Variants in BRCA2 observed in about 807,000 individuals in gnomAD.
BRCA2 encodes the protein BRCA2 DNA repair associated.
Under a neutral mutation model 276.7 loss-of-function variants are expected in BRCA2, and 203 were observed. The observed-to-expected ratio is 0.73, with a 90% CI of 0.65 to 0.82. The LOEUF (loss-of-function observed/expected upper bound fraction) is 0.82, where lower values mean the gene tolerates loss of function less well. BRCA2 is among the 40% of genes least tolerant of loss of function. BRCA2 has a pLI of 0.00. For synonymous variants in BRCA2, 1,289 were observed against 1,338.4 expected, an observed-to-expected ratio of 0.96 and a Z score of 0.81; for missense variants, 3,920 against 3,915.0, an observed-to-expected ratio of 1.00 and a Z score of -0.03.
chr13:32,380,782 T>G (rs1255173857), intron 24 of BRCA2, among the ~76,000 whole-genome samples: 1 of 151,884 alleles, frequency 6.6e-6, no homozygotes, highest in African/African-American at 2.4e-5. Flanking sequence ...CCTCGTGATC[T>G]ACCAGCCTCG....
chr13:32,384,747 G>A (rs1441426943), intron 24 of BRCA2: 1 of 254,376 alleles, frequency 3.9e-6, no homozygotes, highest in Non-Finnish European at 8.5e-6. Flanking sequence ...AATTAAAGAT[G>A]ATGAAATGCC....
intron 3 of BRCA2, among the ~76,000 whole-genome samples, chr13:32,324,659 G>A (rs772080235): frequency 1.3e-5 from 2 of 152,056 alleles, no homozygotes; most frequent in East Asian, 3.9e-4. Context: ...TGTTTAAAGC[G>A]ACAAGATGTT....
At chr13:32,319,028 A>G (rs746683798) in intron 2 of BRCA2, 49 bp from the exon 3 acceptor site, 13 of 1,605,348 alleles carry the variant, frequency 8.1e-6, no homozygotes, top group Non-Finnish European at 1.0e-5. Context: ...TGGGTCACAA[A>G]TTTGTCTGTC....
chr13:32,352,092 T>C (rs1047947626), intron 13 of BRCA2, among the ~76,000 whole-genome samples: 10 of 152,304 alleles, frequency 6.6e-5, no homozygotes, highest in South Asian at 2.1e-4. Context: ...TGAGCCACTG[T>C]ACCAGGCCTA....
intron 24 of BRCA2, among the ~76,000 whole-genome samples, chr13:32,387,241 T>A (rs968838316): frequency 1.3e-5 from 2 of 152,164 alleles, no homozygotes; most frequent in Non-Finnish European, 2.9e-5. Context: ...TTAAGGATAG[T>A]CATAATACAA....
chr13:32,319,184 C>A lies in BRCA2; in HGVS notation c.175C>A (p.Pro59Thr), dbSNP rs56091799. The change falls in exon 3 of 27, where the codon CCA (proline) becomes ACA (threonine). Residue 59 changes from proline (P) to threonine (T), a missense_variant. Physicochemically the swap from Pro to Thr is conservative, Grantham distance 38 (BLOSUM62 -1). Around this residue, in one of 2 missense-constraint regions of BRCA2, gnomAD observed 3,263 missense variants for 3,156.9 expected, o/e 1.03. Transcript: ENST00000380152. ...TGAACATAAAAACAACAATTACGAA[C>A]CAAACCTATTTAAAACTCCACAAAG... ...ESEHKNNNYE[P>T]NLFKTPQRKP... The A allele has an allele frequency of 6.2e-7, 1 of 1,614,038 alleles. No homozygotes were observed. The highest frequency in any genetic ancestry group is 2.2e-5 in the East Asian group (1 of 44,868).
chr13:32,379,925 T>G lies in BRCA2; in HGVS notation c.9117+12T>G, dbSNP rs1212956665. On this transcript the variant is annotated intron_variant, in intron 23 of 26. Coordinates refer to ENST00000380152, the MANE Select transcript of BRCA2 (RefSeq NM_000059.4). ...ATCAACAACTACCGGTACAAACCTT[T>G]CATTGTAATTTTTCAGTTTTGATAA... The G allele has an allele frequency of 8.1e-6, 13 of 1,613,144 alleles. No homozygotes were observed. Among genetic ancestry groups the G allele is most frequent in the Non-Finnish European group, 1.1e-5 (13 of 1,179,360 alleles).
At position 32,394,825 on chromosome 13, in the gene BRCA2, C is replaced by T. The variant is rs1060504632; in HGVS notation, c.9393C>T (p.Ser3131=). 1 of 1,613,994 alleles carries T rather than the reference C, an allele frequency of 6.2e-7. No homozygotes were observed. Among genetic ancestry groups the T allele is most frequent in the Non-Finnish European group, 8.5e-7 (1 of 1,179,994 alleles). ...GCAACCTCCAGTGGCGACCAGAATC[C>T]AAATCAGGCCTTCTTACTTTATTTG... ...AASNLQWRPE[S]KSGLLTLFAG... Residue 3131 remains serine (S), a synonymous_variant, in exon 25 of 27, where the codon TCC becomes TCT. Coordinates refer to ENST00000380152, the MANE Select transcript of BRCA2 (RefSeq NM_000059.4).
rs2072463944 is a variant in BRCA2 at position 32,337,105 on chromosome 13, T to C, written c.2750T>C (p.Val917Ala). The change falls in exon 11 of 27, where the codon GTA (valine) becomes GCA (alanine). Residue 917 changes from valine (V) to alanine (A), a missense_variant. Physicochemically the swap from Val to Ala is moderately conservative, Grantham distance 64. This residue lies in a region of BRCA2 where 3,263 missense variants were observed against 3,156.9 expected (regional missense o/e 1.03). Transcript: ENST00000380152. ...KELHETDLTC[V>A]NEPIFKNSTM... Reference sequence around the variant, plus strand: ...CTTCATGAAACAGACTTGACTTGTGTAAACGAACCCATTTTCAAGAACTCT... The same window carrying C: ...CTTCATGAAACAGACTTGACTTGTGCAAACGAACCCATTTTCAAGAACTCT... The C allele has an allele frequency of 1.9e-6, 3 of 1,613,814 alleles. No individual in the cohort carries two copies. In the East Asian group the frequency reaches 6.7e-5, roughly 36 times the overall value.
Position 32,336,380 on chromosome 13 carries a change from A to G in BRCA2, c.2025A>G (p.Thr675=), listed in dbSNP as rs147381487. 5.2e-5 allele frequency: 83 copies of G among 1,611,042 alleles called. No homozygotes were observed. The highest frequency in any genetic ancestry group is 6.6e-5 in the Non-Finnish European group (78 of 1,178,934). Reference sequence around the variant, plus strand: ...TGAGGAAATGTTCTAGAAATGAAACATGTTCTAATAATACAGTAATCTCTC... The same window carrying G: ...TGAGGAAATGTTCTAGAAATGAAACGTGTTCTAATAATACAGTAATCTCTC... ...TILRKCSRNE[T]CSNNTVISQD... The change falls in exon 11 of 27, where the codon ACA becomes ACG. Residue 675 remains threonine, a synonymous_variant. Transcript: ENST00000380152.
At chr13:32,361,104 C>A (rs1330951388) in intron 16 of BRCA2, among the ~76,000 whole-genome samples, 1 of 152,114 alleles carries the variant, frequency 6.6e-6, no homozygotes. Context: ...CCAAATAAAT[C>A]AATTCACAAG....
At chr13:32,346,359 A>G (rs1016574445) in intron 12 of BRCA2, among the ~76,000 whole-genome samples, 1 of 152,010 alleles carries the variant, frequency 6.6e-6, no homozygotes, top group South Asian at 2.1e-4. Context: ...GATCGTCCTC[A>G]TTCTTTTTTG....
rs756104738 is a variant in BRCA2, at chr13:32,339,236, C to G, written c.4881C>G (p.Leu1627=). ...SDNLCRQTEN[L]KTSKSIFLKV... is the part of the protein sequence containing the mutation. Reference sequence around the variant, plus strand: ...ATTTATGTAGACAAACTGAAAATCTCAAAACATCAAAAAGTATCTTTTTGA... The same window carrying G: ...ATTTATGTAGACAAACTGAAAATCTGAAAACATCAAAAAGTATCTTTTTGA... The change falls in exon 11 of 27, where the codon CTC becomes CTG. Residue 1627 remains leucine, a synonymous_variant. Transcript: ENST00000380152. 3 of 1,612,676 alleles carry G rather than the reference C, an allele frequency of 1.9e-6. No individual in the cohort carries two copies. The highest frequency in any genetic ancestry group is 3.3e-5 in the Admixed American group (2 of 59,816).
rs930981788 is a variant in BRCA2, at chr13:32,400,213, T to C, written c.*1443T>C. 6 of 152,224 alleles carry C rather than the reference T, an allele frequency of 3.9e-5. No homozygotes were observed. The highest frequency in any genetic ancestry group is 1.4e-4 in the African/African-American group (6 of 41,468). The allele number at this position is 152,224 out of a possible 1,614,324, so 9.4% of individuals were successfully genotyped here. A position where few individuals can be genotyped will look rare whatever the true frequency, so the allele number is the denominator to read the frequency against. ...TTAAATGTCTGTATAATATCATGTT[T>C]TCAAATCTAATTATAAATACGTTTA... On this transcript the variant is annotated 3_prime_UTR_variant, in exon 27 of 27. Transcript: ENST00000380152.
Position 32,337,213 on chromosome 13 carries a change from A to C in BRCA2, c.2858A>C (p.Glu953Ala), listed in dbSNP as rs1478974838. The stretch of plus-strand genomic sequence containing the variant: ...AAAGATTTGGTTTATGTTCTTGCAG[A>C]GGAGAACAAAAATAGTGTAAAGCAG... Reference protein sequence around the residue: ...IKKDLVYVLAEENKNSVKQHI... With the variant: ...IKKDLVYVLAAENKNSVKQHI... Residue 953 changes from glutamate to alanine, a missense_variant, in exon 11 of 27, where the codon GAG becomes GCG. Physicochemically the swap from Glu to Ala is moderately radical, Grantham distance 107. Transcript: ENST00000380152. 6.2e-7 allele frequency: 1 copy of C among 1,613,140 alleles called. No homozygotes were observed. The highest frequency in any genetic ancestry group is 8.5e-7 in the Non-Finnish European group (1 of 1,179,708).
chr13:32,384,857 A>G (rs889789234), intron 24 of BRCA2: 3 of 286,354 alleles, frequency 1.0e-5, no homozygotes, highest in East Asian at 1.5e-4. Flanking sequence ...GAAACACCCG[A>G]AAGGCCAGAA....
chr13:32,335,678 G>T (rs2072442522), intron 10 of BRCA2, among the ~76,000 whole-genome samples: 1 of 150,040 alleles, frequency 6.7e-6, no homozygotes. Context: ...TTTTTTTTAT[G>T]GTAGCTAGCT....
Position 32,338,677 on chromosome 13 carries a change from A to T in BRCA2, c.4322A>T (p.Glu1441Val), listed in dbSNP as rs1198430908. The T allele has an allele frequency of 6.3e-7, 1 of 1,595,664 alleles. No homozygotes were observed. The highest frequency in any genetic ancestry group is 1.1e-5 in the South Asian group (1 of 88,088). ...GGGAAAAATATTAGTGTCGCCAAAG[A>T]GTCATTTAATAAAATTGTAAATTTC... ...ASGKNISVAK[E>V]SFNKIVNFFD... Residue 1441 changes from glutamate to valine, a missense_variant, in exon 11 of 27, where the codon GAG (glutamate) becomes GTG (valine). Glu to Val is a moderately radical substitution (Grantham distance 121). Coordinates refer to ENST00000380152, the MANE Select transcript of BRCA2 (RefSeq NM_000059.4).
At position 32,337,871 on chromosome 13, in the gene BRCA2, G is replaced by A. The variant is rs1799952; in HGVS notation, c.3516G>A (p.Ser1172=). 4,186 of 1,614,050 alleles carry A rather than the reference G, an allele frequency of 2.6e-3. 9 individuals are homozygous for A. Among genetic ancestry groups the A allele is most frequent in the Middle Eastern group, 4.8e-3 (29 of 6,062 alleles). The stretch of plus-strand genomic sequence containing the variant: ...TTCATGTCATAATGAATGCCCCATC[G>A]ATTGGTCAGGTAGACAGCAGCAAGC... ...ADLHVIMNAP[S]IGQVDSSKQF... Residue 1172 remains serine, a synonymous_variant, in exon 11 of 27, where the codon TCG becomes TCA. Coordinates refer to ENST00000380152, the MANE Select transcript of BRCA2 (RefSeq NM_000059.4).
Sources: gnomAD v4.1 joint callset for allele counts (sites outside exome capture counted in the v4.1 genomes callset) on GRCh38, gnomAD v4.1.1 for gene constraint, gnomAD v4.1.1 regional missense constraint, MANE v1.5 for transcripts, NCBI Gene and HGNC (gene_info 2026-07-23, HGNC 2026-07-21) for gene names.